Variants in TES observed in about 807,000 individuals in gnomAD.
TES encodes the protein testin LIM domain protein.
TES carries 41 observed loss-of-function variants against 48.2 expected under a neutral mutation model. The observed-to-expected ratio is 0.85, with a 90% CI of 0.66 to 1.10. The LOEUF is 1.10. TES is among the 50% of genes least tolerant of loss of function. TES has a pLI of 0.00. For missense variants in TES, 463 were observed against 515.1 expected (o/e 0.90, Z 0.98); for synonymous variants, 162 against 174.9 (o/e 0.93, Z 0.58).
intron 1 of TES, among the ~76,000 whole-genome samples, chr7:116,233,209 A>G (rs1292808719): frequency 6.6e-6 from 1 of 152,168 alleles, no homozygotes; most frequent in Non-Finnish European, 1.5e-5. Context: ...GAGTAATCTG[A>G]TTACTGGTGG....
At chr7:116,246,755 T>C (rs1563013100) in intron 2 of TES, among the ~76,000 whole-genome samples, 1 of 152,154 alleles carries the variant, frequency 6.6e-6, no homozygotes, top group Non-Finnish European at 1.5e-5. Context: ...ATCGTCCAGA[T>C]CTCAACCTAA....
At chr7:116,252,083 A>G (rs1800022884) in intron 5 of TES, 108 bp downstream of exon 5, 1 of 1,200,410 alleles carries the variant, frequency 8.3e-7, no homozygotes, top group Non-Finnish European at 1.2e-6. Context: ...CTCTGTTTAC[A>G]TCCAAAGAAG....
chr7:116,257,069 A>C (rs890742407), intron 6 of TES, among the ~76,000 whole-genome samples: 1 of 152,214 alleles, frequency 6.6e-6, no homozygotes, highest in Non-Finnish European at 1.5e-5. Context: ...ACATGCATCA[A>C]ATCACCTGTT....
chr7:116,241,382 A>G (rs937713839), intron 2 of TES, among the ~76,000 whole-genome samples: 6 of 152,216 alleles, frequency 3.9e-5, no homozygotes, highest in African/African-American at 1.2e-4. Context: ...TGCTGATTTT[A>G]TAGTATGTTT....
At position 116,210,600 on chromosome 7, in the gene TES, C is replaced by T. The variant is rs1440908409; in HGVS notation, c.-108C>T. 4 of 1,188,836 alleles carry T rather than the reference C, an allele frequency of 3.4e-6. No homozygotes were observed. The highest frequency in any genetic ancestry group is 3.3e-5 in the East Asian group (1 of 29,972). The allele number at this position is 1,188,836 out of a possible 1,614,324, so 73.6% of individuals were successfully genotyped here. ...CGGGCGAGTGGCTGTTGAGCGGCGCCGCGGGAGTTCCGCAGGTTTCCCGTG... is the reference window on the plus strand; with the variant it reads ...CGGGCGAGTGGCTGTTGAGCGGCGCTGCGGGAGTTCCGCAGGTTTCCCGTG... On this transcript the variant is annotated 5_prime_UTR_variant, in exon 1 of 7. Transcript: ENST00000358204.
At chr7:116,223,991 A>C (rs1799589418) in intron 1 of TES, among the ~76,000 whole-genome samples, 1 of 152,216 alleles carries the variant, frequency 6.6e-6, no homozygotes, top group South Asian at 2.1e-4. Context: ...ATCAGTTGCC[A>C]AAAAATGAAA....
intron 1 of TES, 96 bp downstream of exon 1, chr7:116,210,830 G>GC (rs1799427774): frequency 3.6e-6 from 4 of 1,111,960 alleles, no homozygotes; most frequent in African/African-American, 1.6e-5. Flanking sequence ...GGGCTCGCGG[G>GC]CCCCCCGGTG....
intron 2 of TES, among the ~76,000 whole-genome samples, chr7:116,247,392 G>GT (rs199615951): frequency 1.3e-3 from 198 of 152,140 alleles, no homozygotes; most frequent in African/African-American, 4.5e-3. Flanking sequence ...AATTTTTGTG[G>GT]TTTTATTTAA....
At position 116,210,870 on chromosome 7, in the gene TES, G is replaced by A. The variant is rs1201676917; in HGVS notation, c.27+136G>A. 6.6e-6 allele frequency: 5 copies of A among 756,036 alleles called. No homozygotes were observed. The Admixed American group carries it at 1.4e-4, about 21-fold the overall frequency. The allele number at this position is 756,036 out of a possible 1,614,324, so 46.8% of individuals were successfully genotyped here. On this transcript the variant is annotated intron_variant, in intron 1 of 6. Transcript: ENST00000358204. ...CCCGGCTCTGGGTCTGCGGTGCCCC[G>A]GGCCCAGGGACCTGGCCCCCTGGGT...
chr7:116,244,357 A>G (rs1181066210), intron 2 of TES, among the ~76,000 whole-genome samples: 1 of 152,246 alleles, frequency 6.6e-6, no homozygotes, highest in Non-Finnish European at 1.5e-5. Flanking sequence ...GGGTAAATAC[A>G]GCCATTCCAA....
chr7:116,252,537 T>C, intron 6 of TES, 61 bp downstream of exon 6: 1 of 1,611,936 alleles, frequency 6.2e-7, no homozygotes, highest in Non-Finnish European at 8.5e-7. Context: ...GTTTATGCTT[T>C]TCTTAAAGCC....
chr7:116,217,111 A>G (rs1263141876), intron 1 of TES, among the ~76,000 whole-genome samples: 1 of 152,160 alleles, frequency 6.6e-6, no homozygotes, highest in Non-Finnish European at 1.5e-5. Flanking sequence ...AGTAAGCACA[A>G]CTGGAATTAT....
intron 1 of TES, chr7:116,223,126 G>A (rs1172910636): frequency 2.9e-6 from 1 of 342,182 alleles, no homozygotes; most frequent in Non-Finnish European, 4.1e-6. Context: ...AAACTGATCA[G>A]ATGGAATATA....
At chr7:116,237,870 A>C (rs1169270206) in intron 2 of TES, 2 of 152,032 alleles carry the variant, frequency 1.3e-5, no homozygotes, top group Non-Finnish European at 1.5e-5. Context: ...CTGGAGAGGA[A>C]GAGATCTCTC....
chr7:116,240,847 CA>C (rs1799837061), intron 2 of TES, among the ~76,000 whole-genome samples: 1 of 152,120 alleles, frequency 6.6e-6, no homozygotes, highest in South Asian at 2.1e-4. Context: ...CAGTATAGCA[CA>C]AATAAATAAA....
chr7:116,250,392 G>A lies in TES; in HGVS notation c.598G>A (p.Ala200Thr), dbSNP rs1310281945. Residue 200 changes from alanine (A) to threonine (T), a missense_variant, in exon 4 of 7, where the codon GCC becomes ACC. By Grantham distance (58) the Ala-to-Thr change is moderately conservative. Transcript: ENST00000358204. ...GDVKLPCEMD[A>T]QGPKQMNIPG... ...TGTCAAACTTCCCTGTGAGATGGAT[G>A]CCCAAGGCCCCAAACAAATGAACAT... 6.2e-7 allele frequency: 1 copy of A among 1,613,878 alleles called. No homozygotes were observed. Among genetic ancestry groups the A allele is most frequent in the Non-Finnish European group, 8.5e-7 (1 of 1,179,936 alleles).
intron 1 of TES, among the ~76,000 whole-genome samples, chr7:116,226,343 A>G (rs768398440): frequency 4.9e-4 from 75 of 152,186 alleles, no homozygotes; most frequent in Non-Finnish European, 8.5e-4. Flanking sequence ...TGCCAAGGGG[A>G]TAGTTAAAGA....
At chr7:116,228,494 A>C (rs1224968836) in intron 1 of TES, among the ~76,000 whole-genome samples, 1 of 152,038 alleles carries the variant, frequency 6.6e-6, no homozygotes, top group African/African-American at 2.4e-5. Context: ...TATGAAAAAC[A>C]TGTGTTTTTA....
intron 1 of TES, among the ~76,000 whole-genome samples, chr7:116,216,837 T>G (rs1799500052): frequency 6.6e-6 from 1 of 151,884 alleles, no homozygotes; most frequent in South Asian, 2.1e-4. Flanking sequence ...AGTCTAGGAG[T>G]GATGTATTAC....
Sources: allele counts gnomAD v4.1 joint callset (sites outside exome capture counted in the v4.1 genomes callset), GRCh38; gene constraint gnomAD v4.1.1; transcripts MANE v1.5; gene names NCBI Gene and HGNC (gene_info 2026-07-23, HGNC 2026-07-21).